The following HECW2 variants were observed in gnomAD, a reference collection of about 807,000 sequenced individuals.
The protein encoded by HECW2 is E3 ubiquitin-protein ligase HECW2.
HECW2 carries 61 observed loss-of-function variants against 175.2 expected under a neutral mutation model. The ratio of observed to expected loss-of-function variants is 0.35; its 90% CI spans 0.28 to 0.43. The LOEUF (loss-of-function observed/expected upper bound fraction) is 0.43. Ranked by LOEUF, HECW2 falls within the 20% of genes least tolerant of loss-of-function variation. The pLI is 1.00. For synonymous variants in HECW2, 671 were observed against 731.0 expected (o/e 0.92, Z 1.32); for missense variants, 1,524 against 2,000.5 (o/e 0.76, Z 4.54).
At chr2:196,217,365 A>AT in intron 26 of HECW2, 1 of 336,272 alleles carries the variant, frequency 3.0e-6, no homozygotes, top group South Asian at 6.1e-5. Context: ...CAAATGAGTT[A>AT]TTTTAACCAT....
At chr2:196,455,092 G>A (rs1304884282) in intron 1 of HECW2, among the ~76,000 whole-genome samples, 1 of 150,526 alleles carries the variant, frequency 6.6e-6, no homozygotes, top group Non-Finnish European at 1.5e-5. Flanking sequence ...GGAGTACAGT[G>A]GCACAATCTC....
chr2:196,450,105 A>G (rs1696300587), intron 1 of HECW2, among the ~76,000 whole-genome samples: 1 of 152,214 alleles, frequency 6.6e-6, no homozygotes, highest in African/African-American at 2.4e-5. Flanking sequence ...AGTATGCCTA[A>G]GGCAAAGTCC....
chr2:196,539,647 A>G lies in HECW2; in HGVS notation c.-36+53861T>C, dbSNP rs188802257. Reference sequence around the variant, plus strand: ...AAGACTCCTTCTCAAAAAGAAAAAGAAAAAAAAGAAAACAAATACTTTTAC... The same window carrying G: ...AAGACTCCTTCTCAAAAAGAAAAAGGAAAAAAAGAAAACAAATACTTTTAC... On this transcript the variant is annotated intron_variant, in intron 1 of 28. Coordinates refer to ENST00000644978, the MANE Select transcript of HECW2 (RefSeq NM_001348768.2). Among the ~76,000 whole-genome samples, 92 of 152,222 alleles carry G rather than the reference A, an allele frequency of 6.0e-4. No individual in the cohort carries two copies. In the East Asian group the frequency reaches 9.3e-3, roughly 15 times the overall value.
chr2:196,278,020 C>T (rs2105983581), intron 15 of HECW2, among the ~76,000 whole-genome samples: 1 of 146,518 alleles, frequency 6.8e-6, no homozygotes, highest in African/African-American at 2.5e-5. Flanking sequence ...GGAGATATAC[C>T]TAATGTAAAT....
At chr2:196,593,448 G>A (rs1159619284) in intron 1 of HECW2, 60 bp downstream of exon 1, 1 of 152,078 alleles carries the variant, frequency 6.6e-6, no homozygotes, top group Non-Finnish European at 1.5e-5. Context: ...CCGGGTGCCG[G>A]GCGTCCGCTC....
rs760256099 is a variant in HECW2, at chr2:196,312,595, G to A, written c.2435-4510C>T. Reference sequence around the variant, plus strand: ...GGTCCATTTCCCCATACGGAGTTGCGGTCAGTGATTGAAAGGGGGTACAAA... The same window carrying A: ...GGTCCATTTCCCCATACGGAGTTGCAGTCAGTGATTGAAAGGGGGTACAAA... On this transcript the variant is annotated intron_variant, in intron 10 of 28. Transcript: ENST00000644978. Among the ~76,000 whole-genome samples the A allele has an allele frequency of 5.9e-5, 9 of 152,100 alleles. No individual in the cohort carries two copies. In the South Asian group the frequency reaches 6.2e-4, roughly 10 times the overall value.
chr2:196,330,643 T>C (rs1328121750), intron 4 of HECW2, among the ~76,000 whole-genome samples: 1 of 152,104 alleles, frequency 6.6e-6, no homozygotes, highest in Non-Finnish European at 1.5e-5. Context: ...ACCCTTGATA[T>C]CAGATCGAAC....
intron 5 of HECW2, among the ~76,000 whole-genome samples, chr2:196,325,503 A>C (rs1019125434): frequency 3.3e-5 from 5 of 152,182 alleles, no homozygotes; most frequent in Non-Finnish European, 7.3e-5. Context: ...AACTCTTTTG[A>C]TTCCAACATG....
At chr2:196,499,538 A>C (rs1450122735) in intron 1 of HECW2, among the ~76,000 whole-genome samples, 1 of 152,200 alleles carries the variant, frequency 6.6e-6, no homozygotes, top group African/African-American at 2.4e-5. Flanking sequence ...TTATTAGGAA[A>C]TAAGCTATTT....
chr2:196,439,194 G>C (rs1451170010), intron 1 of HECW2, among the ~76,000 whole-genome samples: 2 of 152,118 alleles, frequency 1.3e-5, no homozygotes, highest in Non-Finnish European at 2.9e-5. Flanking sequence ...AAGTAGCCAT[G>C]GTTATTTTAG....
intron 1 of HECW2, among the ~76,000 whole-genome samples, chr2:196,436,699 C>T (rs1695886251): frequency 1.3e-5 from 2 of 150,870 alleles, no homozygotes; most frequent in African/African-American, 4.9e-5. Context: ...TCTACTACTA[C>T]ATGTCTACCA....
intron 1 of HECW2, among the ~76,000 whole-genome samples, chr2:196,487,799 T>G (rs1293812391): frequency 2.6e-5 from 4 of 152,230 alleles, no homozygotes; most frequent in Non-Finnish European, 5.9e-5. Flanking sequence ...ACAGCAATGC[T>G]ATTAGATCAG....
intron 6 of HECW2, among the ~76,000 whole-genome samples, chr2:196,324,078 C>T (rs16849581): frequency 0.026 from 3,998 of 152,006 alleles, 179 homozygotes; most frequent in African/African-American, 0.091. Flanking sequence ...TTTCTGCAAT[C>T]GGTTTTAGAT....
chr2:196,417,887 A>G (rs1353443473), intron 2 of HECW2, among the ~76,000 whole-genome samples: 1 of 152,238 alleles, frequency 6.6e-6, no homozygotes, highest in African/African-American at 2.4e-5. Flanking sequence ...TACAATGTCA[A>G]AAATATGCCA....
intron 1 of HECW2, among the ~76,000 whole-genome samples, chr2:196,511,768 A>C (rs1037346246): frequency 6.6e-6 from 1 of 152,208 alleles, no homozygotes; most frequent in South Asian, 2.1e-4. Context: ...GGGCAGGCAA[A>C]CAATCAAGGT....
chr2:196,355,861 T>C (rs982406683), intron 2 of HECW2, among the ~76,000 whole-genome samples: 1 of 152,024 alleles, frequency 6.6e-6, no homozygotes, highest in Non-Finnish European at 1.5e-5. Context: ...AGCTTGGGAA[T>C]GGGGTGGAGA....
rs974302641 is a variant in HECW2 at position 196,378,477 on chromosome 2, T to C, written c.293-34713A>G. On this transcript the variant is annotated intron_variant, in intron 2 of 28. Transcript: ENST00000644978. ...AATATTTTCAAAACCCTGCAATTCA[T>C]TAGAACACATGAAAATAAAATGTTT... Among the ~76,000 whole-genome samples, 4 of 152,268 alleles carry C rather than the reference T, an allele frequency of 2.6e-5. No individual in the cohort carries two copies. The East Asian group carries it at 7.7e-4, about 29-fold the overall frequency.
intron 2 of HECW2, among the ~76,000 whole-genome samples, chr2:196,374,791 G>C (rs1694003035): frequency 6.6e-6 from 1 of 151,536 alleles, no homozygotes; most frequent in African/African-American, 2.4e-5. Flanking sequence ...GTCACCTCTA[G>C]GGGACAAAGC....
At chr2:196,423,956 C>G (rs1282995357) in intron 2 of HECW2, among the ~76,000 whole-genome samples, 2 of 151,724 alleles carry the variant, frequency 1.3e-5, no homozygotes, top group African/African-American at 4.9e-5. Context: ...TGCTTTATTG[C>G]ACTTCACAGA....
Sources: allele counts gnomAD v4.1 joint callset (sites outside exome capture counted in the v4.1 genomes callset), GRCh38; gene constraint gnomAD v4.1.1; transcripts MANE v1.5; gene names NCBI Gene and HGNC (gene_info 2026-07-23, HGNC 2026-07-21).